Variants in SNTG1 observed in about 807,000 individuals in gnomAD.
SNTG1 encodes the protein syntrophin gamma 1.
SNTG1 carries 39 observed loss-of-function variants against 74.7 expected under a neutral mutation model. The observed-to-expected ratio is 0.52, with a 90% CI of 0.40 to 0.68. The LOEUF (loss-of-function observed/expected upper bound fraction) is 0.68. SNTG1 is among the 30% of genes least tolerant of loss of function. The probability of loss-of-function intolerance (pLI) is 0.00; values close to 1 mark genes in which losing one functional copy is unlikely to be tolerated. For synonymous variants in SNTG1, 254 were observed against 217.1 expected (o/e 1.17, Z -1.49); for missense variants, 685 against 609.5 (o/e 1.12, Z -1.30).
At chr8:50,252,423 G>C (rs941242476) in intron 2 of SNTG1, among the ~76,000 whole-genome samples, 7 of 152,124 alleles carry the variant, frequency 4.6e-5, no homozygotes, top group Admixed American at 3.9e-4. Flanking sequence ...AAAGAGTTGG[G>C]TTTTGGAAAA....
intron 1 of SNTG1, among the ~76,000 whole-genome samples, chr8:50,101,828 G>A (rs1393905645): frequency 4.0e-5 from 6 of 151,780 alleles, no homozygotes; most frequent in Admixed American, 3.3e-4. Flanking sequence ...TTGTCCTTGC[G>A]ATAGTTTACT....
At chr8:50,405,361 A>G (rs2092859413) in intron 4 of SNTG1, among the ~76,000 whole-genome samples, 1 of 152,058 alleles carries the variant, frequency 6.6e-6, no homozygotes, top group East Asian at 1.9e-4. Flanking sequence ...GTGAGGTTGA[A>G]TCTCACCGTG....
chr8:50,454,370 A>C (rs893788760), intron 8 of SNTG1, among the ~76,000 whole-genome samples: 26 of 151,790 alleles, frequency 1.7e-4, no homozygotes, highest in Admixed American at 1.4e-3. Context: ...GGTGGCATGC[A>C]CCTGTAACCC....
intron 1 of SNTG1, among the ~76,000 whole-genome samples, chr8:49,937,114 A>C (rs1346256802): frequency 6.6e-6 from 1 of 152,202 alleles, no homozygotes; most frequent in Admixed American, 6.5e-5. Context: ...GCGCCACTGC[A>C]CTCCAGCCTG....
chr8:50,493,341 CT>C lies in SNTG1; in HGVS notation c.364-9433del, dbSNP rs771635278. 2.4e-4 allele frequency among the ~76,000 whole-genome samples: 37 copies of C among 152,278 alleles called. No homozygotes were observed. In the East Asian group the frequency reaches 4.4e-3, roughly 18 times the overall value. ...TATTCCTGAATGAACTTTTGAAGAG[CT>C]TTTGAGAGGCTGACTTCAAACCGTT... On this transcript the variant is annotated intron_variant, in intron 8 of 18. Transcript: ENST00000642720.
chr8:49,957,737 G>C (rs890330535), intron 1 of SNTG1, among the ~76,000 whole-genome samples: 2 of 152,112 alleles, frequency 1.3e-5, no homozygotes, highest in Admixed American at 6.6e-5. Context: ...GACCGAAAGG[G>C]GTGATGGCTT....
At chr8:50,177,401 G>C (rs906331755) in intron 2 of SNTG1, among the ~76,000 whole-genome samples, 2 of 152,124 alleles carry the variant, frequency 1.3e-5, no homozygotes, top group African/African-American at 2.4e-5. Context: ...GTCAGCTGCA[G>C]TCAGTGCCTC....
intron 1 of SNTG1, among the ~76,000 whole-genome samples, chr8:49,977,594 C>T (rs1020691080): frequency 1.3e-5 from 2 of 152,194 alleles, no homozygotes; most frequent in Non-Finnish European, 2.9e-5. Flanking sequence ...GGGTAAGAGG[C>T]TAGGCATGTG....
At chr8:50,238,614 A>G (rs762758816) in intron 2 of SNTG1, among the ~76,000 whole-genome samples, 11 of 152,184 alleles carry the variant, frequency 7.2e-5, no homozygotes, top group Non-Finnish European at 1.5e-4. Flanking sequence ...TCAAAAAGCA[A>G]CCGCAACATA....
rs143291110 is a variant in SNTG1, at chr8:50,098,894, C to T, written c.-102-73667C>T. On this transcript the variant is annotated intron_variant, in intron 1 of 18. Transcript: ENST00000642720. The stretch of plus-strand genomic sequence containing the variant: ...TAACCTAGCAAAGAAGACAGGTACT[C>T]ATTACAGCTTTACACAAAATAGTGA... Among the ~76,000 whole-genome samples, 551 of 152,200 alleles carry T rather than the reference C, an allele frequency of 3.6e-3. 7 individuals are homozygous for T. The highest frequency in any genetic ancestry group is 0.023 in the Admixed American group (344 of 15,280).
At chr8:50,148,559 A>G (rs2081953584) in intron 1 of SNTG1, among the ~76,000 whole-genome samples, 1 of 151,550 alleles carries the variant, frequency 6.6e-6, no homozygotes, top group African/African-American at 2.4e-5. Context: ...CCTCCCCCCA[A>G]CCCAGAACAG....
chr8:50,505,491 A>C (rs1231072868), intron 9 of SNTG1, among the ~76,000 whole-genome samples: 1 of 152,012 alleles, frequency 6.6e-6, no homozygotes, highest in African/African-American at 2.4e-5. Flanking sequence ...CCTCACCAGC[A>C]CTTCTTATTT....
At chr8:50,521,314 T>C (rs930607567) in intron 9 of SNTG1, among the ~76,000 whole-genome samples, 1 of 152,134 alleles carries the variant, frequency 6.6e-6, no homozygotes, top group African/African-American at 2.4e-5. Context: ...AAATGCCTAA[T>C]GTAGGTGATG....
chr8:50,156,419 A>G (rs1460204485), intron 1 of SNTG1, among the ~76,000 whole-genome samples: 1 of 152,098 alleles, frequency 6.6e-6, no homozygotes, highest in African/African-American at 2.4e-5. Context: ...GCAATACATA[A>G]AAGGATAACA....
rs77576401 is a variant in SNTG1, at chr8:50,419,091, T to C, written c.162+16747T>C. Among the ~76,000 whole-genome samples, 588 of 152,250 alleles carry C rather than the reference T, an allele frequency of 3.9e-3. 5 individuals are homozygous for C. Among genetic ancestry groups the C allele is most frequent in the African/African-American group, 0.014 (573 of 41,574 alleles). The stretch of plus-strand genomic sequence containing the variant: ...GGGATTTTAGGATTTGAGGAAGTCA[T>C]AGAACCATGTTCTCTGATGGATTTT... On this transcript the variant is annotated intron_variant, in intron 4 of 18. Coordinates refer to ENST00000642720, the MANE Select transcript of SNTG1 (RefSeq NM_018967.5).
At chr8:50,014,052 A>G (rs967345029) in intron 1 of SNTG1, among the ~76,000 whole-genome samples, 9 of 152,170 alleles carry the variant, frequency 5.9e-5, no homozygotes, top group Non-Finnish European at 1.2e-4. Context: ...AAAAGAAAGT[A>G]CTAAACTACA....
intron 13 of SNTG1, among the ~76,000 whole-genome samples, chr8:50,621,989 G>A (rs182271012): frequency 1.1e-4 from 16 of 152,218 alleles, no homozygotes; most frequent in Non-Finnish European, 1.3e-4. Flanking sequence ...AATGCACTGA[G>A]GGTTCTCATT....
chr8:50,059,059 T>C (rs1820262424), intron 1 of SNTG1, among the ~76,000 whole-genome samples: 1 of 152,172 alleles, frequency 6.6e-6, no homozygotes. Context: ...TTCATCCAAG[T>C]TGTTGCTCAT....
At chr8:49,940,437 T>C (rs1034385680) in intron 1 of SNTG1, among the ~76,000 whole-genome samples, 1 of 151,550 alleles carries the variant, frequency 6.6e-6, no homozygotes, top group South Asian at 2.1e-4. Flanking sequence ...CAGTGGCAGG[T>C]GTATCTTTAT....
Sources: gnomAD v4.1 joint callset for allele counts (sites outside exome capture counted in the v4.1 genomes callset) on GRCh38, gnomAD v4.1.1 for gene constraint, MANE v1.5 for transcripts, NCBI Gene and HGNC (gene_info 2026-07-23, HGNC 2026-07-21) for gene names.